Variants in LOC128125817 observed in about 807,000 individuals in gnomAD.
At chr1:41,611,838 C>T in the LOC128125817 span, among the ~76,000 whole-genome samples, 8 of 152,214 alleles carry the variant, frequency 5.3e-5, no homozygotes, top group African/African-American at 1.9e-4. Context: ...ACCTTTCCCG[C>T]CCTGACATTC....
chr1:41,597,395 A>G, the LOC128125817 span, among the ~76,000 whole-genome samples: 1 of 152,196 alleles, frequency 6.6e-6, no homozygotes. Context: ...GGGCATAATA[A>G]TTCAGAGGAA....
At chr1:41,624,056 C>T in the LOC128125817 span, among the ~76,000 whole-genome samples, 1 of 152,214 alleles carries the variant, frequency 6.6e-6, no homozygotes, top group Admixed American at 6.5e-5. Flanking sequence ...TAGGAGACTT[C>T]CCAAGCCTCA....
chr1:41,617,997 G>GGT, the LOC128125817 span, among the ~76,000 whole-genome samples: 6,143 of 152,248 alleles, frequency 0.04, 155 homozygotes, highest in East Asian at 0.099. Flanking sequence ...GTCACTGGTG[G>GGT]GTGCATTTCC....
At chr1:41,596,050 C>T in the LOC128125817 span, among the ~76,000 whole-genome samples, 5 of 152,192 alleles carry the variant, frequency 3.3e-5, no homozygotes, top group Non-Finnish European at 5.9e-5. Flanking sequence ...AATGTGGCCA[C>T]AGGAAATGTT....
chr1:41,591,512 C>G, the LOC128125817 span, among the ~76,000 whole-genome samples: 17,972 of 151,990 alleles, frequency 0.12, 1,418 homozygotes, highest in Non-Finnish European at 0.18. Flanking sequence ...AGGCTTCATA[C>G]CAACCCAGGG....
At chr1:41,588,395 G>A in the LOC128125817 span, among the ~76,000 whole-genome samples, 1 of 152,232 alleles carries the variant, frequency 6.6e-6, no homozygotes, top group South Asian at 2.1e-4. Context: ...TCTGAGTGGG[G>A]GTCAGCTGGC....
the LOC128125817 span, among the ~76,000 whole-genome samples, chr1:41,588,586 G>A: frequency 6.6e-6 from 1 of 151,952 alleles, no homozygotes; most frequent in East Asian, 1.9e-4. Context: ...ATGACTACAG[G>A]GCCAGCACTG....
the LOC128125817 span, among the ~76,000 whole-genome samples, chr1:41,598,580 C>T: frequency 2.6e-5 from 4 of 152,292 alleles, no homozygotes; most frequent in East Asian, 1.9e-4. Flanking sequence ...GCAGTTATAA[C>T]GATCACTCTA....
chr1:41,599,809 G>A, the LOC128125817 span, among the ~76,000 whole-genome samples: 1 of 152,066 alleles, frequency 6.6e-6, no homozygotes, highest in East Asian at 1.9e-4. Flanking sequence ...GAGAGAAAAC[G>A]CTTGCAAATC....
the LOC128125817 span, among the ~76,000 whole-genome samples, chr1:41,595,312 CAGTAGCTCCCCAATGCAGAGAG>C: frequency 6.6e-6 from 1 of 152,216 alleles, no homozygotes; most frequent in African/African-American, 2.4e-5. Context: ...CAGTAATTCT[CAGTAGCTCCCCAATGCAGAGAG>C]ATTCAGCCAT....
At chr1:41,618,645 G>C in the LOC128125817 span, among the ~76,000 whole-genome samples, 2 of 151,950 alleles carry the variant, frequency 1.3e-5, no homozygotes, top group Admixed American at 1.3e-4. Flanking sequence ...CTACTCACTT[G>C]TTCAAAGCCT....
At chr1:41,588,847 C>A in the LOC128125817 span, among the ~76,000 whole-genome samples, 1 of 151,950 alleles carries the variant, frequency 6.6e-6, no homozygotes, top group Non-Finnish European at 1.5e-5. Flanking sequence ...TGGACTAGTG[C>A]TCTCTGCCAG....
At chr1:41,611,195 C>T in the LOC128125817 span, among the ~76,000 whole-genome samples, 3,238 of 152,308 alleles carry the variant, frequency 0.021, 118 homozygotes, top group African/African-American at 0.075. Context: ...GATGAATAAA[C>T]AAACGCTAAG....
chr1:41,594,151 T>C, the LOC128125817 span, among the ~76,000 whole-genome samples: 116,524 of 152,226 alleles, frequency 0.77, 45,465 homozygotes, highest in East Asian at 0.98. Context: ...GTTTCCAGGG[T>C]TTAGAATGTG....
the LOC128125817 span, among the ~76,000 whole-genome samples, chr1:41,586,352 C>T: frequency 2.6e-5 from 4 of 152,198 alleles, no homozygotes; most frequent in Non-Finnish European, 5.9e-5. Flanking sequence ...CACCCAACCA[C>T]CTGACTTTGG....
At chr1:41,627,670 A>G in the LOC128125817 span, among the ~76,000 whole-genome samples, 2 of 152,136 alleles carry the variant, frequency 1.3e-5, no homozygotes, top group African/African-American at 2.4e-5. Flanking sequence ...AGAGAAGCGA[A>G]AGAGTCACTG....
At chr1:41,627,258 C>T in the LOC128125817 span, among the ~76,000 whole-genome samples, 90,158 of 152,036 alleles carry the variant, frequency 0.59, 28,171 homozygotes, top group African/African-American at 0.8. Flanking sequence ...AGCAACCCTG[C>T]GAGGCAGGTA....
At chr1:41,599,693 C>T in the LOC128125817 span, among the ~76,000 whole-genome samples, 22 of 152,114 alleles carry the variant, frequency 1.4e-4, no homozygotes, top group Non-Finnish European at 2.9e-4. Context: ...AGATGTGGCA[C>T]CAAAAGCATA....
chr1:41,585,891 T>C, the LOC128125817 span, among the ~76,000 whole-genome samples: 8 of 152,130 alleles, frequency 5.3e-5, no homozygotes, highest in Admixed American at 2.0e-4. Context: ...ATTCTCAGGT[T>C]AGTATTTCTC....
Sources: allele counts gnomAD v4.1 joint callset (sites outside exome capture counted in the v4.1 genomes callset), GRCh38; gene constraint gnomAD v4.1.1; transcripts MANE v1.5.